ESR1: variants seen among roughly 807,000 people sequenced by gnomAD.
The protein encoded by ESR1 is estrogen receptor.
ESR1 carries 12 observed loss-of-function variants against 52.7 expected under a neutral mutation model. The observed-to-expected ratio is 0.23, with a 90% CI of 0.15 to 0.37. The LOEUF is 0.37. Among genes scored for constraint, ESR1 ranks in the 10% least tolerant of loss-of-function variants. ESR1 has a pLI of 1.00. For missense variants in ESR1, 584 were observed against 779.7 expected (o/e 0.75, Z 2.99); for synonymous variants, 305 against 316.8 (o/e 0.96, Z 0.39).
intron 3 of ESR1, among the ~76,000 whole-genome samples, chr6:151,890,189 A>T (rs1713059705): frequency 6.6e-6 from 1 of 151,314 alleles, no homozygotes; most frequent in Non-Finnish European, 1.5e-5. Context: ...GGTTCAAGCT[A>T]TTCTCATACC....
At chr6:152,035,614 A>G (rs907658343) in intron 5 of ESR1, among the ~76,000 whole-genome samples, 1 of 152,190 alleles carries the variant, frequency 6.6e-6, no homozygotes, top group Non-Finnish European at 1.5e-5. Flanking sequence ...CTCTTGGAAG[A>G]TGAAAATTAA....
chr6:151,847,959 C>T (rs1208629614), intron 2 of ESR1, among the ~76,000 whole-genome samples: 1 of 147,174 alleles, frequency 6.8e-6, no homozygotes, highest in African/African-American at 2.5e-5. Flanking sequence ...ACCATTTGAC[C>T]CAGCTATCCC....
intron 5 of ESR1, among the ~76,000 whole-genome samples, chr6:152,048,937 T>C (rs936720162): frequency 6.6e-6 from 1 of 152,170 alleles, no homozygotes; most frequent in Non-Finnish European, 1.5e-5. Flanking sequence ...AACTTCATAA[T>C]TGCTGTGTCT....
At chr6:151,730,877 T>G (rs1782187784) in intron 2 of ESR1, among the ~76,000 whole-genome samples, 1 of 152,240 alleles carries the variant, frequency 6.6e-6, no homozygotes, top group Non-Finnish European at 1.5e-5. Context: ...GTCATTAAAT[T>G]AAATAGATAT....
intron 5 of ESR1, among the ~76,000 whole-genome samples, chr6:152,024,057 A>T (rs532541285): frequency 1.3e-5 from 2 of 152,250 alleles, no homozygotes; most frequent in Admixed American, 1.3e-4. Flanking sequence ...TTCTCTTCAT[A>T]TACAGTATGC....
At chr6:152,030,378 G>A (rs1225990603) in intron 5 of ESR1, among the ~76,000 whole-genome samples, 1 of 151,946 alleles carries the variant, frequency 6.6e-6, no homozygotes, top group East Asian at 1.9e-4. Context: ...TCAGCGTGCT[G>A]TATTCAGGAA....
intron 1 of ESR1, among the ~76,000 whole-genome samples, chr6:151,831,023 ACT>A (rs1432128057): frequency 6.6e-6 from 1 of 152,014 alleles, no homozygotes; most frequent in Admixed American, 6.5e-5. Flanking sequence ...AGCTCCATTA[ACT>A]CTGTTTTCAT....
intron 2 of ESR1, among the ~76,000 whole-genome samples, chr6:151,879,443 G>C (rs536312454): frequency 1.3e-5 from 2 of 152,250 alleles, no homozygotes; most frequent in African/African-American, 4.8e-5. Flanking sequence ...TCTGAGTTCA[G>C]CTGGGAACAA....
chr6:151,913,494 A>G (rs1053995106), intron 3 of ESR1, among the ~76,000 whole-genome samples: 2 of 152,246 alleles, frequency 1.3e-5, no homozygotes, highest in African/African-American at 4.8e-5. Flanking sequence ...GAATAGTAAC[A>G]TTCACTGGTG....
chr6:151,689,093 G>T (rs1464817686), upstream of ESR1, among the ~76,000 whole-genome samples: 1 of 152,128 alleles, frequency 6.6e-6, no homozygotes, highest in Non-Finnish European at 1.5e-5. Flanking sequence ...GTCCTATTTT[G>T]AGAACTGTTG....
chr6:151,745,492 A>G (rs769121571), intron 2 of ESR1, among the ~76,000 whole-genome samples: 9 of 152,198 alleles, frequency 5.9e-5, no homozygotes, highest in Non-Finnish European at 1.2e-4. Flanking sequence ...GAAGACAACA[A>G]ACTTTCATTT....
chr6:151,686,658 A>C (rs1346657768), upstream of ESR1, among the ~76,000 whole-genome samples: 2 of 152,048 alleles, frequency 1.3e-5, no homozygotes, highest in Admixed American at 6.6e-5. Flanking sequence ...ACTGCACTCC[A>C]GCCTGGGTGA....
At chr6:151,927,933 A>G (rs2033010331) in intron 3 of ESR1, among the ~76,000 whole-genome samples, 1 of 151,864 alleles carries the variant, frequency 6.6e-6, no homozygotes, top group African/African-American at 2.4e-5. Context: ...CATGCTGGCC[A>G]GGTTGGTCTT....
At chr6:152,059,189 A>G (rs946648730) in intron 5 of ESR1, among the ~76,000 whole-genome samples, 6 of 152,154 alleles carry the variant, frequency 3.9e-5, no homozygotes, top group African/African-American at 1.4e-4. Context: ...ATTATCTTTC[A>G]ATAAAATTGT....
intron 2 of ESR1, among the ~76,000 whole-genome samples, chr6:151,872,849 T>C (rs1445563241): frequency 6.6e-6 from 1 of 152,236 alleles, no homozygotes; most frequent in African/African-American, 2.4e-5. Flanking sequence ...ACAAGACTTC[T>C]GTTCCCTTGT....
chr6:151,808,390 G>T, intron 1 of ESR1, 26 bp downstream of exon 1: 3 of 1,441,038 alleles, frequency 2.1e-6, no homozygotes, highest in Admixed American at 5.3e-5. Context: ...CCGCCCGTCG[G>T]GGTGGCCGCC....
chr6:151,879,376 G>C (rs1003900760), intron 2 of ESR1, among the ~76,000 whole-genome samples: 2 of 152,172 alleles, frequency 1.3e-5, no homozygotes, highest in Non-Finnish European at 2.9e-5. Flanking sequence ...AAACAGATTG[G>C]TGTGGGTTGA....
chr6:152,099,405 A>T lies in ESR1; in HGVS notation c.*439A>T. ...CAAAGAATTTAAAGTGGCTCCTTTA[A>T]TTGGTGACTTGGAGAAAGCTAGGTC... On this transcript the variant is annotated 3_prime_UTR_variant, in exon 8 of 8. Coordinates refer to ENST00000206249, the MANE Select transcript of ESR1 (RefSeq NM_000125.4). 1 of 316,226 alleles carries T rather than the reference A, an allele frequency of 3.2e-6. No individual in the cohort carries two copies. 19.6% of individuals were successfully genotyped at this position (316,226 alleles called of 1,614,324 possible). A position where few individuals can be genotyped will look rare whatever the true frequency, so the allele number is the denominator to read the frequency against.
intron 5 of ESR1, among the ~76,000 whole-genome samples, chr6:152,031,532 C>T (rs1383667914): frequency 2.0e-5 from 3 of 152,014 alleles, no homozygotes; most frequent in East Asian, 3.9e-4. Context: ...TAAACTAGAA[C>T]ATCTAGAAGA....
Sources: allele counts gnomAD v4.1 joint callset (sites outside exome capture counted in the v4.1 genomes callset), GRCh38; gene constraint gnomAD v4.1.1; transcripts MANE v1.5; gene names NCBI Gene and HGNC (gene_info 2026-07-23, HGNC 2026-07-21).